Variants in NOS2 observed in about 807,000 individuals in gnomAD.
NOS2 encodes the protein nitric oxide synthase, inducible.
In NOS2, 96 loss-of-function variants were observed where a neutral mutation model predicts 136.0. The ratio of observed to expected loss-of-function variants is 0.71; its 90% CI spans 0.60 to 0.84. The LOEUF is 0.84. Among genes scored for constraint, NOS2 ranks in the 40% least tolerant of loss-of-function variants. The pLI, the probability that NOS2 is intolerant of heterozygous loss-of-function variation, is 0.00. For synonymous variants in NOS2, 539 were observed against 587.5 expected (o/e 0.92, Z 1.20); for missense variants, 1,237 against 1,496.9 (o/e 0.83, Z 2.87).
chr17:27,780,250 G>A (rs954348238), intron 9 of NOS2, among the ~76,000 whole-genome samples: 2 of 152,226 alleles, frequency 1.3e-5, no homozygotes, highest in Non-Finnish European at 2.9e-5. Flanking sequence ...ACTGAATTTG[G>A]TTCATTCAAC....
rs1908398310 is a variant in NOS2, at chr17:27,768,959, C to T, written c.2034+18G>A. The T allele has an allele frequency of 6.3e-7, 1 of 1,580,346 alleles. No homozygotes were observed. Among genetic ancestry groups the T allele is most frequent in the African/African-American group, 1.3e-5 (1 of 74,408 alleles). On this transcript the variant is annotated intron_variant, in intron 17 of 26. Transcript: ENST00000313735. ...CTGTCATGTCCCTGCTGTGGGGCAG[C>T]TCTGGCTGGGAACTGACCTTGAAGG...
Position 27,769,024 on chromosome 17 carries a change from T to C in NOS2, c.1987A>G (p.Ser663Gly), listed in dbSNP as rs1908401316. Residue 663 changes from serine (S) to glycine (G), a missense_variant, in exon 17 of 27, where the codon AGT becomes GGT. Physicochemically the swap from Ser to Gly is moderately conservative, Grantham distance 56. Around this residue, in one of 3 missense-constraint regions of NOS2, gnomAD observed 782 missense variants for 909.9 expected, o/e 0.86. Coordinates refer to ENST00000313735, the MANE Select transcript of NOS2 (RefSeq NM_000625.4). ...LTPMGEGDELSGQEDAFRSWA... is the reference protein window; with the variant it reads ...LTPMGEGDELGGQEDAFRSWA... The stretch of plus-strand genomic sequence containing the variant: ...CTGCGGAAGGCGTCCTCCTGCCCAC[T>C]GAGCTCATCCCCTTCTCCCATCGGG... The C allele has an allele frequency of 6.2e-7, 1 of 1,612,626 alleles. No homozygotes were observed. Among genetic ancestry groups the C allele is most frequent in the Non-Finnish European group, 8.5e-7 (1 of 1,179,616 alleles).
At position 27,759,035 on chromosome 17, in the gene NOS2, T is replaced by C. The variant is rs1259042782; in HGVS notation, c.3200A>G (p.Glu1067Gly). The C allele has an allele frequency of 6.2e-7, 1 of 1,608,250 alleles. No homozygotes were observed. Among genetic ancestry groups the C allele is most frequent in the South Asian group, 1.1e-5 (1 of 90,400 alleles). ...CTCCTTGTGGAGCACACGGAGCACC[T>C]CGCTGGCCAGCTGCTGCCGCAGGAT... ...QDILRQQLAS[E>G]VLRVLHKEPG... The change falls in exon 26 of 27, where the codon GAG becomes GGG. Residue 1067 changes from glutamate to glycine, a missense_variant. Physicochemically the swap from Glu to Gly is moderately conservative, Grantham distance 98 (BLOSUM62 -2). This residue lies in a region of NOS2 where 782 missense variants were observed against 909.9 expected (regional missense o/e 0.86). Coordinates refer to ENST00000313735, the MANE Select transcript of NOS2 (RefSeq NM_000625.4).
chr17:27,767,701 G>T lies in NOS2; in HGVS notation c.2167+4C>A, dbSNP rs201644953. 1 of 1,613,330 alleles carries T rather than the reference G, an allele frequency of 6.2e-7. No homozygotes were observed. The highest frequency in any genetic ancestry group is 8.5e-7 in the Non-Finnish European group (1 of 1,179,856). On this transcript the variant is annotated splice_donor_region_variant and intron_variant, in intron 18 of 26. Coordinates refer to ENST00000313735, the MANE Select transcript of NOS2 (RefSeq NM_000625.4). ...AGCCCCATGTGCTGCAGAGAAGCAG[G>T]TACCTTTGCTGAGGTCCAAAGGCTG...
chr17:27,762,101 A>G (rs1252667507), intron 22 of NOS2, among the ~76,000 whole-genome samples: 2 of 151,982 alleles, frequency 1.3e-5, no homozygotes, highest in African/African-American at 4.8e-5. Context: ...AGCCGAGACC[A>G]CCTGGACGAG....
At position 27,765,584 on chromosome 17, in the gene NOS2, A is replaced by G; in HGVS notation, c.2379T>C (p.Asp793=). The change falls in exon 20 of 27, where the codon GAT becomes GAC. Residue 793 remains aspartate, a synonymous_variant. Transcript: ENST00000313735. ...GCACTGTCTGGTGGGGTGTGGGGCC[A>G]TCCACCACTCGCTCCAGGATACCTT... ...LVQGILERVV[D]GPTPHQTVRL... 6.2e-7 allele frequency: 1 copy of G among 1,612,212 alleles called. No individual in the cohort carries two copies. The highest frequency in any genetic ancestry group is 8.5e-7 in the Non-Finnish European group (1 of 1,179,782).
At chr17:27,771,862 C>T (rs1402143981) in intron 14 of NOS2, among the ~76,000 whole-genome samples, 3 of 152,238 alleles carry the variant, frequency 2.0e-5, no homozygotes, top group African/African-American at 4.8e-5. Flanking sequence ...TGGTCCAGCA[C>T]GTGGCCACCA....
intron 24 of NOS2, among the ~76,000 whole-genome samples, 163 bp downstream of exon 24, chr17:27,760,460 C>T (rs1345260852): frequency 6.6e-6 from 1 of 152,202 alleles, no homozygotes; most frequent in Non-Finnish European, 1.5e-5. Flanking sequence ...ATGCGGGAGA[C>T]GGAAAGGCAG....
At chr17:27,794,712 G>GCACACA (rs1471450143) in intron 2 of NOS2, among the ~76,000 whole-genome samples, 2 of 123,824 alleles carry the variant, frequency 1.6e-5, no homozygotes, top group African/African-American at 7.6e-5. Flanking sequence ...ACACACACAC[G>GCACACA]CGCACACACA....
In NOS2 at chr17:27,758,852, A is replaced by T. The variant is rs199568397; in HGVS notation, c.3354+29T>A. The T allele has an allele frequency of 9.4e-5, 132 of 1,399,714 alleles. No individual in the cohort carries two copies. The African/African-American group carries it at 1.4e-3, about 15-fold the overall frequency. 86.7% of individuals were successfully genotyped at this position (1,399,714 alleles called of 1,614,324 possible). A position where few individuals can be genotyped will look rare whatever the true frequency, so the allele number is the denominator to read the frequency against. ...CCAACGGCCTGTGCCCTTGGCCGGC[A>T]CCTTCAGCCCACACACCCACTACTA... On this transcript the variant is annotated intron_variant, in intron 26 of 26. Transcript: ENST00000313735.
Position 27,764,567 on chromosome 17 carries a change from GC to G in NOS2, c.2429-424del, listed in dbSNP as rs28944179. Among the ~76,000 whole-genome samples the G allele has an allele frequency of 1.4e-4, 21 of 152,336 alleles. No individual in the cohort carries two copies. The East Asian group carries it at 3.9e-3, about 28-fold the overall frequency. ...CAAGATGTGCTGGGTGAGCAGATGA[GC>G]CCAAAGGGAAGTCCCAGGGAGCAGC... On this transcript the variant is annotated intron_variant, in intron 20 of 26. Coordinates refer to ENST00000313735, the MANE Select transcript of NOS2 (RefSeq NM_000625.4).
intron 5 of NOS2, 99 bp downstream of exon 5, chr17:27,787,579 A>T: frequency 1.0e-6 from 1 of 956,106 alleles, no homozygotes; most frequent in East Asian, 2.6e-5. Flanking sequence ...ACAAATCTGG[A>T]AAGAAAAGGG....
rs768273472 is a variant in NOS2, at chr17:27,780,793, C to T, written c.978G>A (p.Val326=). The T allele has an allele frequency of 3.7e-6, 6 of 1,614,240 alleles. No homozygotes were observed. The highest frequency in any genetic ancestry group is 4.2e-6 in the Non-Finnish European group (5 of 1,180,046). ...PELFEIPPDL[V]LEVAMEHPKY... ...TGGGATGTTCCATGGCCACCTCAAG[C>T]ACAAGGTCAGGTGGGATTTCGAAGA... Residue 326 remains valine (V), a synonymous_variant, in exon 9 of 27, where the codon GTG becomes GTA. Coordinates refer to ENST00000313735, the MANE Select transcript of NOS2 (RefSeq NM_000625.4).
chr17:27,785,675 G>A (rs1184358707), intron 5 of NOS2, among the ~76,000 whole-genome samples: 2 of 152,128 alleles, frequency 1.3e-5, no homozygotes, highest in African/African-American at 2.4e-5. Flanking sequence ...AACTGGAGGT[G>A]GGCCAGGTGC....
At position 27,764,016 on chromosome 17, in the gene NOS2, C is replaced by G. The variant is rs2314808; in HGVS notation, c.2557G>C (p.Glu853Gln). 1.2e-6 allele frequency: 2 copies of G among 1,613,602 alleles called. No homozygotes were observed. Among genetic ancestry groups the G allele is most frequent in the Non-Finnish European group, 1.7e-6 (2 of 1,179,808 alleles). The change falls in exon 21 of 27, where the codon GAG becomes CAG. Residue 853 changes from glutamate (E) to glutamine (Q), a missense_variant. Glu to Gln is a conservative substitution (Grantham distance 29). Around this residue, in one of 3 missense-constraint regions of NOS2, gnomAD observed 782 missense variants for 909.9 expected, o/e 0.86. Transcript: ENST00000313735. ...GCCTCCAGCCTCTGTCTCTCAGGCTCTTCTGTGGCCACCTGGGCCAGCTTT... is the reference window on the plus strand; with the variant it reads ...GCCTCCAGCCTCTGTCTCTCAGGCTGTTCTGTGGCCACCTGGGCCAGCTTT... ...LQKLAQVATE[E>Q]PERQRLEALC...
Position 27,771,191 on chromosome 17 carries a change from G to C in NOS2, c.1705-174C>G, listed in dbSNP as rs28999410. ...ACAGAGGACGTGAATGAACCAATTT[G>C]AACACATCATCCTCTGTTCTCCTTC... On this transcript the variant is annotated intron_variant, in intron 14 of 26. Transcript: ENST00000313735. Among the ~76,000 whole-genome samples the C allele has an allele frequency of 4.2e-3, 643 of 152,308 alleles. 7 individuals carry two copies. Among genetic ancestry groups the C allele is most frequent in the African/African-American group, 0.015 (612 of 41,564 alleles).
chr17:27,762,937 C>A lies in NOS2; in HGVS notation c.2661G>T (p.Pro887=). 6.2e-7 allele frequency: 1 copy of A among 1,605,914 alleles called. No homozygotes were observed. Among genetic ancestry groups the A allele is most frequent in the Non-Finnish European group, 8.5e-7 (1 of 1,177,106 alleles). Residue 887 remains proline, a synonymous_variant, in exon 22 of 27, where the codon CCG becomes CCT. Transcript: ENST00000313735. ...PTFLEVLEEF[P]SLRVSAGFLL... ...GGAAGCCAGCAGACACCCGCAGGGA[C>A]GGGAACTCCTCTAGCACCTCCAGGA...
At chr17:27,790,822 C>T (rs964260917) in intron 2 of NOS2, among the ~76,000 whole-genome samples, 22 of 152,142 alleles carry the variant, frequency 1.4e-4, no homozygotes, top group African/African-American at 4.3e-4. Context: ...AGGTTCATTC[C>T]GGCGAACTGA....
At chr17:27,769,707 GTTTACATATGGGGCTACCTGGCCA>G in intron 15 of NOS2, 123 bp from the exon 16 acceptor site, 1 of 824,408 alleles carries the variant, frequency 1.2e-6, no homozygotes, top group Non-Finnish European at 2.1e-6. Flanking sequence ...ACGGAAGTTG[GTTTACATATGGGGCTACCTGGCCA>G]AGGACCTGGT....
Sources: allele counts gnomAD v4.1 joint callset (sites outside exome capture counted in the v4.1 genomes callset), GRCh38; gene constraint gnomAD v4.1.1; regional missense constraint gnomAD v4.1.1; transcripts MANE v1.5; gene names NCBI Gene and HGNC (gene_info 2026-07-23, HGNC 2026-07-21).